ATG7: variants seen among roughly 807,000 people sequenced by gnomAD.
ATG7 encodes the protein ubiquitin-like modifier-activating enzyme ATG7.
A neutral mutation model predicts 82.4 loss-of-function variants in ATG7; 70 were observed. The observed-to-expected ratio is 0.85, with a 90% CI of 0.70 to 1.04. The LOEUF (loss-of-function observed/expected upper bound fraction) is 1.04. ATG7 is among the 50% of genes least tolerant of loss of function. The pLI is 0.00. For synonymous variants in ATG7, 287 were observed against 313.0 expected (o/e 0.92, Z 0.88); for missense variants, 792 against 864.3 (o/e 0.92, Z 1.05).
chr3:11,429,208 G>A (rs1223175778), intron 20 of ATG7, among the ~76,000 whole-genome samples: 1 of 152,074 alleles, frequency 6.6e-6, no homozygotes, highest in Admixed American at 6.6e-5. Context: ...AAAACCACAA[G>A]TTTTAGGCGG....
intron 1 of ATG7, among the ~76,000 whole-genome samples, chr3:11,273,125 GC>G (rs1451430877): frequency 6.6e-6 from 1 of 152,212 alleles, no homozygotes; most frequent in Non-Finnish European, 1.5e-5. Flanking sequence ...GGCGACTGAT[GC>G]CATTTTTTAA....
the ATG7 span, among the ~76,000 whole-genome samples, chr3:11,568,090 C>T: frequency 3.9e-5 from 6 of 152,348 alleles, no homozygotes; most frequent in South Asian, 8.3e-4. The surrounding 1 kb of genome is among the most constrained non-coding windows in gnomAD (Gnocchi z 5.9). Flanking sequence ...GACAGAAAGG[C>T]CCGGGAGGGG....
intron 20 of ATG7, among the ~76,000 whole-genome samples, chr3:11,466,981 A>C (rs563373244): frequency 1.2e-4 from 19 of 152,212 alleles, no homozygotes; most frequent in African/African-American, 4.1e-4. Flanking sequence ...ACAAAAAATT[A>C]GGTGTGGTGG....
chr3:11,415,911 C>A (rs1363412730), intron 19 of ATG7, among the ~76,000 whole-genome samples: 5 of 152,096 alleles, frequency 3.3e-5, no homozygotes. Flanking sequence ...ATGCTACGGG[C>A]AGCACAGTAG....
intron 20 of ATG7, among the ~76,000 whole-genome samples, chr3:11,449,378 A>C (rs1348235902): frequency 6.6e-6 from 1 of 152,172 alleles, no homozygotes; most frequent in Non-Finnish European, 1.5e-5. Context: ...TCTTAAACCA[A>C]CAACAACAAA....
At chr3:11,476,713 C>T (rs902394451) in intron 20 of ATG7, among the ~76,000 whole-genome samples, 1 of 152,160 alleles carries the variant, frequency 6.6e-6, no homozygotes, top group African/African-American at 2.4e-5. Context: ...AAATGAAAAT[C>T]AGATGTTTTT....
intron 20 of ATG7, among the ~76,000 whole-genome samples, chr3:11,484,113 G>A (rs1290284295): frequency 6.6e-6 from 1 of 152,158 alleles, no homozygotes; most frequent in Non-Finnish European, 1.5e-5. Flanking sequence ...AAGTCTTCAG[G>A]CTGGGCACAG....
intron 20 of ATG7, among the ~76,000 whole-genome samples, chr3:11,520,484 C>G (rs1260091563): frequency 6.6e-6 from 1 of 152,188 alleles, no homozygotes; most frequent in Non-Finnish European, 1.5e-5. Context: ...ATTATGGCTA[C>G]TGATGGTGGC....
chr3:11,430,932 G>A (rs1033110335), intron 20 of ATG7, among the ~76,000 whole-genome samples: 2 of 152,278 alleles, frequency 1.3e-5, no homozygotes, highest in Admixed American at 6.5e-5. Context: ...GAGTAGAGAA[G>A]GGAAGGGCAA....
intron 20 of ATG7, chr3:11,510,256 G>A (rs570137349): frequency 8.8e-6 from 4 of 456,484 alleles, no homozygotes; most frequent in East Asian, 7.0e-5. Flanking sequence ...CTCAGGAGTC[G>A]GCTGCCTGTC....
chr3:11,325,699 G>A (rs1026909426), intron 9 of ATG7, among the ~76,000 whole-genome samples: 2 of 151,862 alleles, frequency 1.3e-5, no homozygotes, highest in Admixed American at 6.6e-5. Flanking sequence ...TTATCCTATA[G>A]ATGAGAAAAT....
chr3:11,557,527 C>T lies in ATG7; in HGVS notation c.*2684C>T, dbSNP rs969211884. ...ACCGCAGCTGACCCACTGCTCATCG[C>T]GAGGGCCTGCCAGGAGCTGGCCTCC... On this transcript the variant is annotated 3_prime_UTR_variant, in exon 21 of 21. Coordinates refer to ENST00000693202, the MANE Select transcript of ATG7 (RefSeq NM_001349232.2). 2 of 152,496 alleles carry T rather than the reference C, an allele frequency of 1.3e-5. No individual in the cohort carries two copies. Among genetic ancestry groups the T allele is most frequent in the African/African-American group, 2.4e-5 (1 of 41,428 alleles). 9.4% of individuals were successfully genotyped at this position (152,496 alleles called of 1,614,324 possible). A position where few individuals can be genotyped will look rare whatever the true frequency, so the allele number is the denominator to read the frequency against.
At chr3:11,323,207 T>G (rs1396440944) in intron 9 of ATG7, among the ~76,000 whole-genome samples, 1 of 152,224 alleles carries the variant, frequency 6.6e-6, no homozygotes, top group Non-Finnish European at 1.5e-5. Context: ...GTTTTCTTAC[T>G]TGTATGGTAC....
chr3:11,554,740 T>A, intron 20 of ATG7, 71 bp from the exon 21 acceptor site: 4 of 1,583,236 alleles, frequency 2.5e-6, no homozygotes, highest in Non-Finnish European at 3.5e-6. Flanking sequence ...CTGCTGCGGT[T>A]TTGAAGCATC....
chr3:11,329,794 C>T (rs1022739476), intron 9 of ATG7, among the ~76,000 whole-genome samples: 2 of 152,088 alleles, frequency 1.3e-5, no homozygotes, highest in African/African-American at 4.8e-5. Flanking sequence ...ACTAAGAAGC[C>T]AGAATTCTTA....
At chr3:11,493,148 G>C (rs1345471375) in intron 20 of ATG7, among the ~76,000 whole-genome samples, 1 of 152,226 alleles carries the variant, frequency 6.6e-6, no homozygotes, top group African/African-American at 2.4e-5. Context: ...ATTTTATTGA[G>C]TGATGAGATC....
chr3:11,393,720 G>A (rs931045653), intron 19 of ATG7, among the ~76,000 whole-genome samples: 7 of 151,430 alleles, frequency 4.6e-5, no homozygotes, highest in African/African-American at 9.7e-5. Flanking sequence ...TCATTCGGTT[G>A]CCCAGGCTGG....
chr3:11,440,646 A>T (rs1405845791), intron 20 of ATG7, among the ~76,000 whole-genome samples: 4 of 129,850 alleles, frequency 3.1e-5, no homozygotes, highest in Non-Finnish European at 6.3e-5. Flanking sequence ...TTCCCTTTAC[A>T]ATTTAGGGAA....
chr3:11,529,811 G>C (rs1461324656), intron 20 of ATG7: 1 of 152,300 alleles, frequency 6.6e-6, no homozygotes, highest in Non-Finnish European at 1.5e-5. Flanking sequence ...TGATGTCTCT[G>C]CCCGAAGGTA....
Sources: gnomAD v4.1 joint callset for allele counts (sites outside exome capture counted in the v4.1 genomes callset) on GRCh38, gnomAD v4.1.1 for gene constraint, Gnocchi (gnomAD v3.1) non-coding constraint, MANE v1.5 for transcripts, NCBI Gene and HGNC (gene_info 2026-07-23, HGNC 2026-07-21) for gene names.